SETD1A: variants seen among roughly 807,000 people sequenced by gnomAD.
SETD1A encodes histone-lysine N-methyltransferase SETD1A.
A neutral mutation model predicts 149.9 loss-of-function variants in SETD1A; 29 were observed. The observed-to-expected ratio is 0.19, with a 90% CI of 0.14 to 0.26. The LOEUF is 0.26. SETD1A is among the 10% of genes least tolerant of loss of function. The pLI is 1.00. For missense variants in SETD1A, 2,109 were observed against 2,353.1 expected, an observed-to-expected ratio of 0.90 and a Z score of 2.15; for synonymous variants, 1,141 against 968.5, an observed-to-expected ratio of 1.18 and a Z score of -3.31.
In SETD1A at chr16:30,980,051, A is replaced by C; in HGVS notation, c.4265A>C (p.Glu1422Ala). The change falls in exon 14 of 19, where the codon GAA becomes GCA. Residue 1422 changes from glutamate to alanine, a missense_variant. Glu to Ala is a moderately radical substitution (Grantham distance 107). This residue lies in a region of SETD1A where 254 missense variants were observed against 409.3 expected (regional missense o/e 0.62). Coordinates refer to ENST00000262519, the MANE Select transcript of SETD1A (RefSeq NM_014712.3). The surrounding 1 kb of genome is among the most constrained non-coding windows in gnomAD (Gnocchi z 7.7). ...PRAYEPRSEFEQMTILYDIWN... is the reference protein window; with the variant it reads ...PRAYEPRSEFAQMTILYDIWN... ...GCCTACGAGCCACGCAGTGAGTTTG[A>C]ACAGATGACCATCCTGTATGACATT... 7.1e-7 allele frequency: 1 copy of C among 1,412,248 alleles called. No homozygotes were observed. Among genetic ancestry groups the C allele is most frequent in the Non-Finnish European group, 9.5e-7 (1 of 1,055,466 alleles). The allele number at this position is 1,412,248 out of a possible 1,614,324, so 87.5% of individuals were successfully genotyped here. A position where few individuals can be genotyped will look rare whatever the true frequency, so the allele number is the denominator to read the frequency against.
At chr16:30,966,442 T>A in intron 8 of SETD1A, 56 bp downstream of exon 8, 1 of 1,537,914 alleles carries the variant, frequency 6.5e-7, no homozygotes, top group Non-Finnish European at 8.7e-7. Flanking sequence ...GAAATGGGCC[T>A]CTGGCTCCTC....
In SETD1A at chr16:30,959,143, G is replaced by C. The variant is rs1412620749; in HGVS notation, c.203G>C (p.Arg68Thr). The part of the protein sequence containing the change: ...EDLQDPRCHV[R>T]SKNRDFSLPV... ...CTCCAAGACCCCCGTTGCCATGTCA[G>C]GTCCAAAAACAGAGACTTTTCCCTC... The change falls in exon 3 of 19, where the codon AGG becomes ACG. Residue 68 changes from arginine to threonine, a missense_variant. Arg to Thr is a moderately conservative substitution (Grantham distance 71). Around this residue, in one of 8 missense-constraint regions of SETD1A, gnomAD observed 75 missense variants for 95.3 expected, o/e 0.79. Transcript: ENST00000262519. The C allele has an allele frequency of 6.2e-7, 1 of 1,613,932 alleles. No individual in the cohort carries two copies. Among genetic ancestry groups the C allele is most frequent in the Non-Finnish European group, 8.5e-7 (1 of 1,179,832 alleles).
chr16:30,963,627 C>T, intron 5 of SETD1A, 73 bp downstream of exon 5: 1 of 1,485,492 alleles, frequency 6.7e-7, no homozygotes, highest in African/African-American at 1.4e-5. Flanking sequence ...CAGGAGCAGT[C>T]TTCGGGAGGT....
chr16:30,959,465 C>T (rs1355636007), intron 3 of SETD1A, among the ~76,000 whole-genome samples: 1 of 152,108 alleles, frequency 6.6e-6, no homozygotes, highest in Non-Finnish European at 1.5e-5. Flanking sequence ...ACTGTATATT[C>T]GTAGACAGTG....
At chr16:30,975,808 C>G (rs925398793) in intron 13 of SETD1A, among the ~76,000 whole-genome samples, 1 of 152,022 alleles carries the variant, frequency 6.6e-6, no homozygotes, top group Admixed American at 6.6e-5. Flanking sequence ...CTAAGGTTAC[C>G]AGCCAGAGCT....
intron 13 of SETD1A, among the ~76,000 whole-genome samples, chr16:30,978,074 GACCATCCT>G (rs1226531663): frequency 1.0e-3 from 155 of 152,032 alleles, no homozygotes; most frequent in Admixed American, 2.1e-3. Flanking sequence ...AAGAGATCGA[GACCATCCT>G]GGCCAACATG....
rs1005019672 is a variant in SETD1A at position 30,984,243 on chromosome 16, G to A, written c.*220G>A. 6 of 566,372 alleles carry A rather than the reference G, an allele frequency of 1.1e-5. No homozygotes were observed. Among genetic ancestry groups the A allele is most frequent in the African/African-American group, 3.8e-5 (2 of 53,212 alleles). The allele number at this position is 566,372 out of a possible 1,614,324, so 35.1% of individuals were successfully genotyped here. A position where few individuals can be genotyped will look rare whatever the true frequency, so the allele number is the denominator to read the frequency against. On this transcript the variant is annotated 3_prime_UTR_variant, in exon 19 of 19. Coordinates refer to ENST00000262519, the MANE Select transcript of SETD1A (RefSeq NM_014712.3). ...CCACCCCCTGATTGTTTTTCTTTGC[G>A]GAGAAGAAGCTGTAAATGTTTTGTA...
chr16:30,964,579 T>C lies in SETD1A; in HGVS notation c.870-33T>C, dbSNP rs74015055. ...ACGCTGTGGTTTGGTCATAGAGAGC[T>C]GAGTCCAGCTAACTCCCCTGCTTCT... On this transcript the variant is annotated intron_variant, in intron 6 of 18. Coordinates refer to ENST00000262519, the MANE Select transcript of SETD1A (RefSeq NM_014712.3). 1,820 of 1,596,428 alleles carry C rather than the reference T, an allele frequency of 1.1e-3. 17 individuals are homozygous for C. In the African/African-American group the frequency reaches 0.021, roughly 19 times the overall value.
At chr16:30,972,513 C>T (rs142101720) in intron 13 of SETD1A, among the ~76,000 whole-genome samples, 2 of 152,208 alleles carry the variant, frequency 1.3e-5, no homozygotes, top group African/African-American at 2.4e-5. Context: ...TGACAGGCAC[C>T]TGTAGTGCCA....
chr16:30,979,790 T>G lies in SETD1A; in HGVS notation c.4004T>G (p.Val1335Gly), dbSNP rs1309627791. The G allele has an allele frequency of 6.3e-7, 1 of 1,583,576 alleles. No individual in the cohort carries two copies. Among genetic ancestry groups the G allele is most frequent in the South Asian group, 1.1e-5 (1 of 89,174 alleles). The change falls in exon 14 of 19, where the codon GTC (valine) becomes GGC (glycine). Residue 1335 changes from valine (V) to glycine (G), a missense_variant. Val to Gly is a moderately radical substitution (Grantham distance 109). Transcript: ENST00000262519. ...AALFSSPADE[V>G]LEAPEVVVAE... is the part of the protein sequence containing the mutation. ...CTCTTCAGTTCCCCAGCTGATGAGG[T>G]CCTGGAGGCCCCCGAGGTGGTGGTG... is the stretch of plus-strand genomic sequence containing the variant.
At chr16:30,960,705 A>G (rs1596669933) in intron 3 of SETD1A, among the ~76,000 whole-genome samples, 1 of 131,828 alleles carries the variant, frequency 7.6e-6, no homozygotes, top group Admixed American at 7.6e-5. Flanking sequence ...TTTATTCCTC[A>G]GTGTGTACAT....
At position 30,980,719 on chromosome 16, in the gene SETD1A, C is replaced by T; in HGVS notation, c.4582-20C>T. The T allele has an allele frequency of 6.2e-7, 1 of 1,611,640 alleles. No individual in the cohort carries two copies. The highest frequency in any genetic ancestry group is 8.5e-7 in the Non-Finnish European group (1 of 1,179,328). ...CACTTCCCTGCCCTGCTCACCTCCT[C>T]CCTGCCGTGTGTCTCACAGGGGACG... On this transcript the variant is annotated intron_variant, in intron 15 of 18. Transcript: ENST00000262519. This position sits in a 1 kb window ranked among gnomAD's most constrained non-coding sequence, Gnocchi z 7.7.
chr16:30,962,575 G>A (rs894610730), intron 4 of SETD1A, among the ~76,000 whole-genome samples: 2 of 152,228 alleles, frequency 1.3e-5, no homozygotes, highest in Admixed American at 1.3e-4. Flanking sequence ...GTATTGTCTG[G>A]AGGAGGCAGC....
At chr16:30,962,064 ATTT>A (rs60360905) in intron 4 of SETD1A, among the ~76,000 whole-genome samples, 17 of 110,328 alleles carry the variant, frequency 1.5e-4, no homozygotes, top group Non-Finnish European at 1.4e-4. Flanking sequence ...CCTGTTTTTA[ATTT>A]TTTTTTTTTT....
chr16:30,968,498 A>C (rs1287406457), intron 10 of SETD1A, among the ~76,000 whole-genome samples: 2 of 150,978 alleles, frequency 1.3e-5, no homozygotes, highest in Non-Finnish European at 2.9e-5. Context: ...ATACACACAC[A>C]TATGCGTATC....
intron 13 of SETD1A, among the ~76,000 whole-genome samples, chr16:30,976,408 C>T (rs369528106): frequency 6.6e-6 from 1 of 152,044 alleles, no homozygotes; most frequent in Non-Finnish European, 1.5e-5. Flanking sequence ...TGCTGGAAGG[C>T]CTTGCCAGAG....
Position 30,966,932 on chromosome 16 carries a change from A to G in SETD1A, c.2554A>G (p.Lys852Glu). 1 of 1,575,318 alleles carries G rather than the reference A, an allele frequency of 6.3e-7. No homozygotes were observed. The highest frequency in any genetic ancestry group is 8.6e-7 in the Non-Finnish European group (1 of 1,160,776). The change falls in exon 9 of 19, where the codon AAG becomes GAG. Residue 852 changes from lysine to glutamate, a missense_variant. By Grantham distance (56) the Lys-to-Glu change is moderately conservative. Transcript: ENST00000262519. ...KQQAKEEDKE[K>E]TKLKEPGLLS... ...GCAAGCCAAGGAGGAGGATAAAGAGAAGACGAAGCTGAAGGAGCCTGGCCT... is the reference window on the plus strand; with the variant it reads ...GCAAGCCAAGGAGGAGGATAAAGAGGAGACGAAGCTGAAGGAGCCTGGCCT...
At position 30,984,247 on chromosome 16, in the gene SETD1A, A is replaced by G; in HGVS notation, c.*224A>G. Reference sequence around the variant, plus strand: ...CCCCTGATTGTTTTTCTTTGCGGAGAAGAAGCTGTAAATGTTTTGTAGCAG... The same window carrying G: ...CCCCTGATTGTTTTTCTTTGCGGAGGAGAAGCTGTAAATGTTTTGTAGCAG... On this transcript the variant is annotated 3_prime_UTR_variant, in exon 19 of 19. Coordinates refer to ENST00000262519, the MANE Select transcript of SETD1A (RefSeq NM_014712.3). 1.8e-6 allele frequency: 1 copy of G among 558,824 alleles called. No homozygotes were observed. The allele number at this position is 558,824 out of a possible 1,614,324, so 34.6% of individuals were successfully genotyped here.
chr16:30,958,679 G>T (rs1041355356), intron 1 of SETD1A, 38 bp from the exon 2 acceptor site: 5 of 1,588,786 alleles, frequency 3.1e-6, no homozygotes. Flanking sequence ...CAGGCCCCAA[G>T]TCCTGATCCT....
Sources: gnomAD v4.1 joint callset for allele counts (sites outside exome capture counted in the v4.1 genomes callset) on GRCh38, gnomAD v4.1.1 for gene constraint, gnomAD v4.1.1 regional missense constraint, Gnocchi (gnomAD v3.1) non-coding constraint, MANE v1.5 for transcripts, NCBI Gene and HGNC (gene_info 2026-07-23, HGNC 2026-07-21) for gene names.